Variants in TMEM132D observed in about 807,000 individuals in gnomAD.
TMEM132D encodes transmembrane protein 132D.
In TMEM132D, 21 loss-of-function variants were observed where a neutral mutation model predicts 62.3. The observed-to-expected ratio is 0.34, with a 90% CI of 0.24 to 0.49. The LOEUF is 0.49. TMEM132D is among the 20% of genes least tolerant of loss of function. The pLI, the probability that TMEM132D is intolerant of heterozygous loss-of-function variation, is 0.99. For synonymous variants in TMEM132D, 621 were observed against 575.6 expected (o/e 1.08, Z -1.13); for missense variants, 1,346 against 1,402.8 (o/e 0.96, Z 0.65).
intron 2 of TMEM132D, among the ~76,000 whole-genome samples, chr12:129,558,348 C>T (rs759476294): frequency 5.3e-5 from 8 of 152,160 alleles, no homozygotes; most frequent in Non-Finnish European, 1.2e-4. Context: ...GGGAAGGGTC[C>T]CATTCCTATG....
chr12:129,820,526 G>A (rs1872516038), intron 1 of TMEM132D, among the ~76,000 whole-genome samples: 1 of 152,108 alleles, frequency 6.6e-6, no homozygotes, highest in Non-Finnish European at 1.5e-5. Flanking sequence ...TATTTGAGTG[G>A]AGTGTTCCTA....
intron 1 of TMEM132D, among the ~76,000 whole-genome samples, chr12:129,832,531 C>T (rs551350606): frequency 6.6e-6 from 1 of 152,264 alleles, no homozygotes; most frequent in East Asian, 1.9e-4. Context: ...GACATCCTCG[C>T]AGCTTCCCCC....
chr12:129,610,652 G>A (rs187077353), intron 2 of TMEM132D, among the ~76,000 whole-genome samples: 2 of 151,958 alleles, frequency 1.3e-5, no homozygotes, highest in African/African-American at 4.8e-5. Context: ...ATAGAGCCAT[G>A]TCCAGCATCA....
intron 2 of TMEM132D, among the ~76,000 whole-genome samples, chr12:129,588,740 ATTTTTTTCTTTT>A (rs994135093): frequency 3.5e-4 from 11 of 31,122 alleles, no homozygotes; most frequent in African/African-American, 9.9e-4. Flanking sequence ...ACGCCCAGCT[ATTTTTTTCTTTT>A]TTTTTTTTTT....
At chr12:129,803,977 A>G (rs796882846) in intron 1 of TMEM132D, among the ~76,000 whole-genome samples, 4,569 of 126,564 alleles carry the variant, frequency 0.036, 99 homozygotes, top group Non-Finnish European at 0.05. Flanking sequence ...ACACTCTCCC[A>G]AGACTAAACC....
chr12:129,207,759 T>C (rs1273068369), intron 5 of TMEM132D, among the ~76,000 whole-genome samples: 1 of 78,522 alleles, frequency 1.3e-5, no homozygotes, highest in African/African-American at 4.2e-5. Context: ...GCCAGTGAAT[T>C]TTTTTTATAT....
At chr12:129,244,271 AGCTACTC>A (rs1880017775) in intron 4 of TMEM132D, among the ~76,000 whole-genome samples, 1 of 151,338 alleles carries the variant, frequency 6.6e-6, no homozygotes. Flanking sequence ...CTGTAGTCCC[AGCTACTC>A]GGGAGGCTGA....
chr12:129,748,269 A>G lies in TMEM132D; in HGVS notation c.80-47571T>C, dbSNP rs1178114343. ...TTTTCCAGGTGCATTGCAGAAAGAAAGATTCTGGGGGAGGAAAAGAGGGAG... is the reference window on the plus strand; with the variant it reads ...TTTTCCAGGTGCATTGCAGAAAGAAGGATTCTGGGGGAGGAAAAGAGGGAG... On this transcript the variant is annotated intron_variant, in intron 1 of 8. Coordinates refer to ENST00000422113, the MANE Select transcript of TMEM132D (RefSeq NM_133448.3). 2.9e-5 allele frequency among the ~76,000 whole-genome samples: 4 copies of G among 136,594 alleles called. No homozygotes were observed. The South Asian group carries it at 7.0e-4, about 24-fold the overall frequency. 89.6% of individuals were successfully genotyped at this position (136,594 alleles called of 152,430 possible).
At chr12:129,754,193 A>T (rs1476435355) in intron 1 of TMEM132D, among the ~76,000 whole-genome samples, 2 of 152,218 alleles carry the variant, frequency 1.3e-5, no homozygotes, top group Non-Finnish European at 2.9e-5. Context: ...GCCTGACCTT[A>T]AAGCTCCCTC....
At chr12:129,563,746 TTCAACCCACAGACAG>T (rs1877299606) in intron 2 of TMEM132D, among the ~76,000 whole-genome samples, 1 of 151,772 alleles carries the variant, frequency 6.6e-6, no homozygotes, top group African/African-American at 2.4e-5. Context: ...CCCACAGACA[TTCAACCCACAGACAG>T]ACATTCAACC....
chr12:129,685,800 C>G (rs896490515), intron 2 of TMEM132D, among the ~76,000 whole-genome samples: 1 of 152,152 alleles, frequency 6.6e-6, no homozygotes, highest in Non-Finnish European at 1.5e-5. Context: ...CGGACCTACC[C>G]AAGGCCATAG....
intron 4 of TMEM132D, among the ~76,000 whole-genome samples, chr12:129,261,423 C>T (rs150841508): frequency 0.1 from 15,630 of 152,206 alleles, 1,006 homozygotes; most frequent in Admixed American, 0.18. Context: ...CTCTTGCCTG[C>T]TGCCATGTAA....
At position 129,700,440 on chromosome 12, in the gene TMEM132D, G is replaced by A. The variant is rs776735949; in HGVS notation, c.338C>T (p.Pro113Leu). The change falls in exon 2 of 9, where the codon CCT becomes CTT. Residue 113 changes from proline (P) to leucine (L), a missense_variant. Pro to Leu is a moderately conservative substitution (Grantham distance 98, BLOSUM62 -3). Transcript: ENST00000422113. ...EQVVPQDLML[P>L]SNPFGFTNKF... ...GTTGGTGAATCCAAATGGGTTGGAAGGTAGCATTAAATCCTGGGGCACCAC... is the reference window on the plus strand; with the variant it reads ...GTTGGTGAATCCAAATGGGTTGGAAAGTAGCATTAAATCCTGGGGCACCAC... 1 of 1,614,156 alleles carries A rather than the reference G, an allele frequency of 6.2e-7. No individual in the cohort carries two copies. Among genetic ancestry groups the A allele is most frequent in the Non-Finnish European group, 8.5e-7 (1 of 1,180,036 alleles).
intron 4 of TMEM132D, among the ~76,000 whole-genome samples, chr12:129,298,082 G>T (rs1033931370): frequency 1.3e-5 from 2 of 152,040 alleles, no homozygotes; most frequent in Non-Finnish European, 2.9e-5. Context: ...TCATGGGTGG[G>T]ATTCATACAT....
At chr12:129,315,475 T>G (rs1868456928) in intron 4 of TMEM132D, among the ~76,000 whole-genome samples, 1 of 152,222 alleles carries the variant, frequency 6.6e-6, no homozygotes, top group Non-Finnish European at 1.5e-5. Context: ...AAACCATCCC[T>G]GCATCCTTGC....
intron 3 of TMEM132D, among the ~76,000 whole-genome samples, chr12:129,503,274 G>A (rs569000269): frequency 2.0e-5 from 3 of 152,196 alleles, no homozygotes; most frequent in South Asian, 4.1e-4. Context: ...GTCGACAGAA[G>A]AAATCTAAAG....
chr12:129,420,517 A>C (rs1464216540), intron 3 of TMEM132D, among the ~76,000 whole-genome samples: 1 of 152,018 alleles, frequency 6.6e-6, no homozygotes, highest in African/African-American at 2.4e-5. Context: ...CAGGGGAAAA[A>C]TTCTACCCAA....
At chr12:129,674,498 A>T (rs1880580767) in intron 2 of TMEM132D, among the ~76,000 whole-genome samples, 1 of 152,146 alleles carries the variant, frequency 6.6e-6, no homozygotes. Flanking sequence ...TTTTTGGTTT[A>T]AAAAATGTAT....
intron 3 of TMEM132D, among the ~76,000 whole-genome samples, chr12:129,340,563 T>G (rs189823429): frequency 1.3e-5 from 2 of 151,744 alleles, no homozygotes; most frequent in East Asian, 3.9e-4. Context: ...CGGTGTTTGG[T>G]TTTTTGTCCT....
Sources: allele counts gnomAD v4.1 joint callset (sites outside exome capture counted in the v4.1 genomes callset), GRCh38; gene constraint gnomAD v4.1.1; transcripts MANE v1.5; gene names NCBI Gene and HGNC (gene_info 2026-07-23, HGNC 2026-07-21).